The following NRXN3 variants were observed in gnomAD, a reference collection of about 807,000 sequenced individuals.
The protein encoded by NRXN3 is neurexin 3, also known as neurexin III.
In NRXN3, 32 loss-of-function variants were observed where a neutral mutation model predicts 137.6. The ratio of observed to expected loss-of-function variants is 0.23; its 90% confidence interval spans 0.18 to 0.31. NRXN3 has a LOEUF of 0.31. Among genes scored for constraint, NRXN3 ranks in the 10% least tolerant of loss-of-function variants. The pLI is 1.00. For synonymous variants in NRXN3, 798 were observed against 784.5 expected (o/e 1.02, Z -0.29); for missense variants, 1,574 against 2,062.5 (o/e 0.76, Z 4.59).
chr14:78,799,713 G>C (rs1046625112), intron 8 of NRXN3, among the ~76,000 whole-genome samples: 9 of 152,062 alleles, frequency 5.9e-5, no homozygotes, highest in African/African-American at 2.2e-4. Flanking sequence ...ATGTGGCTGG[G>C]GACACCTCAC....
intron 20 of NRXN3, among the ~76,000 whole-genome samples, chr14:79,805,893 G>A (rs1467940595): frequency 1.3e-5 from 2 of 152,130 alleles, no homozygotes; most frequent in Admixed American, 6.6e-5. Flanking sequence ...AAGCTTCAAT[G>A]TGTTCCCCAT....
chr14:78,740,330 C>T (rs2098558952), intron 8 of NRXN3, among the ~76,000 whole-genome samples: 1 of 151,902 alleles, frequency 6.6e-6, no homozygotes, highest in South Asian at 2.1e-4. Context: ...CCCAGAGAAA[C>T]CTTTATTCTT....
chr14:78,857,095 A>G (rs1055749041), intron 10 of NRXN3, among the ~76,000 whole-genome samples: 3 of 152,118 alleles, frequency 2.0e-5, no homozygotes, highest in South Asian at 2.1e-4. Flanking sequence ...AAATGTTTTC[A>G]TGCTACACAT....
At chr14:79,627,505 G>T (rs554252565) in intron 16 of NRXN3, among the ~76,000 whole-genome samples, 3 of 152,122 alleles carry the variant, frequency 2.0e-5, no homozygotes, top group Non-Finnish European at 4.4e-5. Flanking sequence ...ATGTAGAGCA[G>T]GTTGGAAAAT....
intron 15 of NRXN3, among the ~76,000 whole-genome samples, chr14:79,432,461 T>A (rs1341057604): frequency 2.0e-5 from 3 of 152,138 alleles, no homozygotes; most frequent in Non-Finnish European, 4.4e-5. Context: ...GACAAGGCGC[T>A]TCTATGATTG....
At chr14:79,059,042 TA>T (rs2099670207) in intron 15 of NRXN3, among the ~76,000 whole-genome samples, 1 of 152,144 alleles carries the variant, frequency 6.6e-6, no homozygotes, top group Admixed American at 6.6e-5. Context: ...ATACAGTATG[TA>T]AAAATGGAAG....
At chr14:79,416,313 A>G (rs527766864) in intron 15 of NRXN3, among the ~76,000 whole-genome samples, 49 of 152,124 alleles carry the variant, frequency 3.2e-4, no homozygotes, top group Admixed American at 1.6e-3. Context: ...TGCCCTAACT[A>G]TGCACAAACT....
In NRXN3 at chr14:79,264,522, ATGTGTGTGTGTGTGTGTG is replaced by A. The variant is rs34099529; in HGVS notation, c.3263-202680_3263-202663del. Among the ~76,000 whole-genome samples, 7 of 145,298 alleles carry A rather than the reference ATGTGTGTGTGTGTGTGTG, an allele frequency of 4.8e-5. No homozygotes were observed. In the East Asian group the frequency reaches 1.4e-3, roughly 29 times the overall value. On this transcript the variant is annotated intron_variant, in intron 15 of 20. Transcript: ENST00000335750. The stretch of plus-strand genomic sequence containing the variant: ...GCTGCCTTCTCTGTGTGTTTACATG[ATGTGTGTGTGTGTGTGTG>A]TGTGTGTGTGTGTGTGTGCGCGCGT...
At chr14:79,500,790 T>C (rs1476780933) in intron 16 of NRXN3, among the ~76,000 whole-genome samples, 4 of 152,194 alleles carry the variant, frequency 2.6e-5, no homozygotes, top group African/African-American at 9.7e-5. Flanking sequence ...AAAGTACATA[T>C]ATCCTAGAAC....
At chr14:79,198,610 C>A (rs1030952445) in intron 15 of NRXN3, among the ~76,000 whole-genome samples, 2 of 152,134 alleles carry the variant, frequency 1.3e-5, no homozygotes, top group Non-Finnish European at 2.9e-5. Context: ...GGCAATATTC[C>A]TAGAATAAGC....
At chr14:79,765,886 A>T (rs554020942) in intron 19 of NRXN3, among the ~76,000 whole-genome samples, 4 of 152,350 alleles carry the variant, frequency 2.6e-5, no homozygotes, top group African/African-American at 9.6e-5. Context: ...AACTTCAAGT[A>T]TGTAAAAAAA....
At chr14:79,330,399 C>T (rs528707289) in intron 15 of NRXN3, among the ~76,000 whole-genome samples, 113 of 152,162 alleles carry the variant, frequency 7.4e-4, no homozygotes, top group East Asian at 5.8e-4. Flanking sequence ...GTCTTGTGCC[C>T]GGAAGGCTGC....
chr14:78,681,155 G>T (rs2098071542), intron 6 of NRXN3, among the ~76,000 whole-genome samples: 1 of 152,140 alleles, frequency 6.6e-6, no homozygotes, highest in Non-Finnish European at 1.5e-5. Flanking sequence ...TGTGCTTGGG[G>T]CTTATGTCAC....
At chr14:78,545,940 C>T (rs1441634801) in intron 4 of NRXN3, among the ~76,000 whole-genome samples, 1 of 152,160 alleles carries the variant, frequency 6.6e-6, no homozygotes. Context: ...CATAATATTC[C>T]AGTCTGATGA....
intron 8 of NRXN3, among the ~76,000 whole-genome samples, chr14:78,747,709 G>A (rs2098617471): frequency 6.6e-6 from 1 of 152,080 alleles, no homozygotes; most frequent in African/African-American, 2.4e-5. Flanking sequence ...CATGATAACT[G>A]TCATTTTAGC....
chr14:79,551,415 C>T (rs1248925177), intron 16 of NRXN3, among the ~76,000 whole-genome samples: 2 of 152,142 alleles, frequency 1.3e-5, no homozygotes, highest in Admixed American at 6.5e-5. Flanking sequence ...CCAGAAAAAG[C>T]AGCAGAATTT....
At position 79,137,605 on chromosome 14, in the gene NRXN3, C is replaced by G. The variant is rs2653552; in HGVS notation, c.3262+149464C>G. ...TAATTCAGATTCCTATGGTACATTA[C>G]AGTTTTATAGTAGTGCCTTTATTTT... On this transcript the variant is annotated intron_variant, in intron 15 of 20. Coordinates refer to ENST00000335750, the MANE Select transcript of NRXN3 (RefSeq NM_001330195.2). Among the ~76,000 whole-genome samples, 382 of 152,228 alleles carry G rather than the reference C, an allele frequency of 2.5e-3. 2 individuals are homozygous for G. The highest frequency in any genetic ancestry group is 9.0e-3 in the African/African-American group (374 of 41,532).
intron 15 of NRXN3, among the ~76,000 whole-genome samples, chr14:79,406,534 C>G (rs568948903): frequency 6.6e-6 from 1 of 151,968 alleles, no homozygotes; most frequent in Non-Finnish European, 1.5e-5. Context: ...ATCTCCTAGG[C>G]TCAAGCAATT....
At chr14:78,226,595 T>A (rs140157463) in intron 1 of NRXN3, among the ~76,000 whole-genome samples, 11 of 152,320 alleles carry the variant, frequency 7.2e-5, no homozygotes, top group Admixed American at 7.2e-4. Context: ...AAATTACAGA[T>A]TGTATTAGTC....
Sources: gnomAD v4.1 joint callset for allele counts (sites outside exome capture counted in the v4.1 genomes callset) on GRCh38, gnomAD v4.1.1 for gene constraint, MANE v1.5 for transcripts, NCBI Gene and HGNC (gene_info 2026-07-23, HGNC 2026-07-21) for gene names.